Variants in ANAPC2 observed in about 807,000 individuals in gnomAD.
ANAPC2 encodes the protein anaphase promoting complex subunit 2, also known as anaphase-promoting complex subunit 2.
A neutral mutation model predicts 84.3 loss-of-function variants in ANAPC2; 29 were observed. The observed-to-expected ratio is 0.34, with a 90% CI of 0.26 to 0.47. The LOEUF (loss-of-function observed/expected upper bound fraction) is 0.47. Ranked by LOEUF, ANAPC2 falls within the 20% of genes least tolerant of loss-of-function variation. The pLI is 1.00. For synonymous variants in ANAPC2, 571 were observed against 479.4 expected, an observed-to-expected ratio of 1.19 and a Z score of -2.50; for missense variants, 857 against 1,131.7, an observed-to-expected ratio of 0.76 and a Z score of 3.48.
chr9:137,187,101 C>T (rs1288047520), intron 2 of ANAPC2: 1 of 223,222 alleles, frequency 4.5e-6, no homozygotes, highest in Non-Finnish European at 9.0e-6. Context: ...AGAGAAGCAG[C>T]AGCAAGCTTC....
Position 137,188,103 on chromosome 9 carries a change from C to T in ANAPC2, c.118G>A (p.Val40Met), listed in dbSNP as rs1834517371. 6.2e-7 allele frequency: 1 copy of T among 1,609,212 alleles called. No homozygotes were observed. The highest frequency in any genetic ancestry group is 8.5e-7 in the Non-Finnish European group (1 of 1,178,326). Residue 40 changes from valine (V) to methionine (M), a missense_variant and splice_region_variant, in exon 2 of 13, where the codon GTG becomes ATG. Val to Met is a conservative substitution (Grantham distance 21). This residue lies in a region of ANAPC2 where 428 missense variants were observed against 513.8 expected (regional missense o/e 0.83). Transcript: ENST00000323927. ...ACTGCACCGCTGGTCCGGGAAGACA[C>T]CTGGGGTGCAGAAAACCGTGAGGCG... ...GLVPPAALGLVSSRTSGAVPP... is the reference protein window; with the variant it reads ...GLVPPAALGLMSSRTSGAVPP...
At chr9:137,183,277 G>A (rs28490558) in intron 5 of ANAPC2, 35 bp from the exon 6 acceptor site, 364,569 of 1,553,672 alleles carry the variant, frequency 0.23, 45,989 homozygotes, top group South Asian at 0.33. Flanking sequence ...GTCATGCAGT[G>A]CCCGGGACCA....
chr9:137,185,291 G>A (rs1478264593), intron 3 of ANAPC2, among the ~76,000 whole-genome samples: 2 of 152,244 alleles, frequency 1.3e-5, no homozygotes, highest in Non-Finnish European at 2.9e-5. Context: ...CCCCCCTGCA[G>A]TCTTCGTGCC....
At position 137,183,254 on chromosome 9, in the gene ANAPC2, G is replaced by A; in HGVS notation, c.1169-12C>T. The A allele has an allele frequency of 6.2e-7, 1 of 1,602,176 alleles. No individual in the cohort carries two copies. Among genetic ancestry groups the A allele is most frequent in the Non-Finnish European group, 8.5e-7 (1 of 1,170,316 alleles). On this transcript the variant is annotated splice_polypyrimidine_tract_variant and intron_variant, in intron 5 of 12. Transcript: ENST00000323927. ...ACACGTGTTGACGCCTACAGCCAGG[G>A]CAGAAGCCAGCAGTCATGCAGTGCC...
chr9:137,179,115 C>G (rs568625953), intron 10 of ANAPC2, among the ~76,000 whole-genome samples: 18 of 152,326 alleles, frequency 1.2e-4, no homozygotes, highest in African/African-American at 4.1e-4. Flanking sequence ...TGAGGCTGCT[C>G]CTCCTGCCTG....
At chr9:137,180,992 C>G in intron 7 of ANAPC2, 63 bp from the exon 8 acceptor site, 2 of 1,582,288 alleles carry the variant, frequency 1.3e-6, no homozygotes, top group Non-Finnish European at 1.7e-6. Context: ...GGCCGCCCTC[C>G]TCCCATCCCG....
chr9:137,183,455 A>G, intron 5 of ANAPC2: 1 of 783,730 alleles, frequency 1.3e-6, no homozygotes, highest in Non-Finnish European at 2.0e-6. Context: ...TCATCACCTC[A>G]GACCTACCGG....
At chr9:137,185,540 C>G (rs1384132185) in intron 3 of ANAPC2, among the ~76,000 whole-genome samples, 2 of 152,218 alleles carry the variant, frequency 1.3e-5, no homozygotes, top group African/African-American at 4.8e-5. Context: ...GTGGCAAGAC[C>G]GCACGGATGT....
chr9:137,179,867 C>G (rs1367778480), intron 10 of ANAPC2, among the ~76,000 whole-genome samples: 1 of 152,242 alleles, frequency 6.6e-6, no homozygotes, highest in Admixed American at 6.5e-5. Flanking sequence ...GGAGGAAACG[C>G]TCAGAGGGCA....
chr9:137,183,852 T>A (rs1255784665), intron 4 of ANAPC2, 61 bp from the exon 5 acceptor site: 7 of 1,590,924 alleles, frequency 4.4e-6, no homozygotes, highest in Non-Finnish European at 6.0e-6. Flanking sequence ...TGCAGGCTGG[T>A]GCAGAGTGTG....
intron 10 of ANAPC2, among the ~76,000 whole-genome samples, chr9:137,178,052 TG>T (rs545269065): frequency 1.1e-4 from 17 of 152,350 alleles, no homozygotes; most frequent in Non-Finnish European, 2.2e-4. Flanking sequence ...CTGGTAGCAC[TG>T]GGGCACTGAC....
Position 137,175,900 on chromosome 9 carries a change from G to A in ANAPC2, c.1891-63C>T, listed in dbSNP as rs1834198175. On this transcript the variant is annotated intron_variant, in intron 10 of 12. Transcript: ENST00000323927. ...CAGGGCGCTCAGGCCCGTGGGCTCT[G>A]CCACCTGGTACCAGTGAGAAAGGGG... 3.3e-6 allele frequency: 5 copies of A among 1,518,870 alleles called. No individual in the cohort carries two copies. In the African/African-American group the frequency reaches 4.1e-5, roughly 13 times the overall value. 94.1% of individuals were successfully genotyped at this position (1,518,870 alleles called of 1,614,324 possible).
At chr9:137,188,360 G>T in intron 1 of ANAPC2, 56 bp downstream of exon 1, 1 of 1,553,246 alleles carries the variant, frequency 6.4e-7, no homozygotes, top group Non-Finnish European at 8.7e-7. Context: ...CGGCCCCAAA[G>T]CGCGTACGGT....
chr9:137,187,017 C>T (rs1834486063), intron 2 of ANAPC2: 1 of 179,462 alleles, frequency 5.6e-6, no homozygotes, highest in Non-Finnish European at 1.2e-5. Context: ...CAGGACCTGT[C>T]TCTCACAACA....
At position 137,175,854 on chromosome 9, in the gene ANAPC2, T is replaced by C; in HGVS notation, c.1891-17A>G. On this transcript the variant is annotated splice_polypyrimidine_tract_variant and intron_variant, in intron 10 of 12. Transcript: ENST00000323927. Reference sequence around the variant, plus strand: ...CCGCATGGCCTAAGGAGGGCCAGGGTCAGCACGGGCAGCTCGGCTGCAGGG... The same window carrying C: ...CCGCATGGCCTAAGGAGGGCCAGGGCCAGCACGGGCAGCTCGGCTGCAGGG... 6.3e-7 allele frequency: 1 copy of C among 1,594,056 alleles called. No individual in the cohort carries two copies. The highest frequency in any genetic ancestry group is 8.5e-7 in the Non-Finnish European group (1 of 1,169,862).
chr9:137,179,230 G>A lies in ANAPC2; in HGVS notation c.1890+951C>T, dbSNP rs538243155. ...CTCTCCTCACATGTCCCCCGCTGGGGTGCCCGCCTCCCCCCAGTCCTGAGC... is the reference window on the plus strand; with the variant it reads ...CTCTCCTCACATGTCCCCCGCTGGGATGCCCGCCTCCCCCCAGTCCTGAGC... On this transcript the variant is annotated intron_variant, in intron 10 of 12. Coordinates refer to ENST00000323927, the MANE Select transcript of ANAPC2 (RefSeq NM_013366.4). Among the ~76,000 whole-genome samples the A allele has an allele frequency of 9.2e-5, 14 of 152,244 alleles. No individual in the cohort carries two copies. The East Asian group carries it at 1.7e-3, about 19-fold the overall frequency.
At chr9:137,180,599 G>T in intron 8 of ANAPC2, 72 bp from the exon 9 acceptor site, 1 of 1,594,058 alleles carries the variant, frequency 6.3e-7, no homozygotes, top group South Asian at 1.1e-5. Context: ...GGCAGGGCAC[G>T]GGGGTGCCCC....
intron 10 of ANAPC2, among the ~76,000 whole-genome samples, chr9:137,178,090 C>G (rs1189943598): frequency 6.6e-6 from 1 of 152,262 alleles, no homozygotes; most frequent in Non-Finnish European, 1.5e-5. Context: ...CCAAGGGCTC[C>G]TGAGTCCTTC....
At position 137,175,735 on chromosome 9, in the gene ANAPC2, C is replaced by T. The variant is rs1834194060; in HGVS notation, c.1993G>A (p.Val665Met). The T allele has an allele frequency of 3.7e-6, 6 of 1,612,090 alleles. No individual in the cohort carries two copies. Among genetic ancestry groups the T allele is most frequent in the African/African-American group, 2.7e-5 (2 of 75,060 alleles). Residue 665 changes from valine to methionine, a missense_variant, in exon 11 of 13, where the codon GTG (valine) becomes ATG (methionine). Val to Met is a conservative substitution (Grantham distance 21). Around this residue, in one of 3 missense-constraint regions of ANAPC2, gnomAD observed 425 missense variants for 595.5 expected, o/e 0.71. Transcript: ENST00000323927. ...TGGTCCTGAAAATACAGCAAGATCA[C>T]CGCCTGTACTGGGGTGACCGCCACA... Reference protein sequence around the residue: ...LSVAVTPVQAVILLYFQDQAS... With the variant: ...LSVAVTPVQAMILLYFQDQAS...
Sources: allele counts gnomAD v4.1 joint callset (sites outside exome capture counted in the v4.1 genomes callset), GRCh38; gene constraint gnomAD v4.1.1; regional missense constraint gnomAD v4.1.1; transcripts MANE v1.5; gene names NCBI Gene and HGNC (gene_info 2026-07-23, HGNC 2026-07-21).